The following CAPZB variants were observed in gnomAD, a reference collection of about 807,000 sequenced individuals.
CAPZB encodes the protein capping actin protein of muscle Z-line subunit beta, also known as F-actin-capping protein subunit beta.
A neutral mutation model predicts 38.1 loss-of-function variants in CAPZB; 2 were observed. The ratio of observed to expected loss-of-function variants is 0.05; its 90% CI spans 0.02 to 0.17. The LOEUF is 0.17. CAPZB is among the 10% of genes least tolerant of loss of function. The pLI, the probability that CAPZB is intolerant of heterozygous loss-of-function variation, is 1.00. For missense variants in CAPZB, 161 were observed against 334.2 expected (o/e 0.48, Z 4.04); for synonymous variants, 107 against 127.4 (o/e 0.84, Z 1.08).
intron 8 of CAPZB, among the ~76,000 whole-genome samples, chr1:19,343,601 C>G (rs895698009): frequency 1.2e-4 from 19 of 152,204 alleles, no homozygotes; most frequent in Non-Finnish European, 1.3e-4. Context: ...TAGGGGAGAT[C>G]CCGGCCTCCT....
intron 2 of CAPZB, among the ~76,000 whole-genome samples, chr1:19,398,258 G>C (rs77930907): frequency 1.0e-5 from 1 of 97,822 alleles, no homozygotes; most frequent in Admixed American, 1.1e-4. Context: ...CGATGAGCCA[G>C]GCGAGGTGCT....
At chr1:19,448,057 C>T (rs2094502440) in intron 1 of CAPZB, among the ~76,000 whole-genome samples, 1 of 152,224 alleles carries the variant, frequency 6.6e-6, no homozygotes, top group Admixed American at 6.5e-5. Context: ...CAGGACACCT[C>T]TCAGGCCTGG....
intron 2 of CAPZB, among the ~76,000 whole-genome samples, chr1:19,399,108 T>C (rs1213114087): frequency 1.3e-5 from 2 of 152,076 alleles, no homozygotes; most frequent in Non-Finnish European, 2.9e-5. Context: ...TCCGCCTGTC[T>C]TGCCCTCCCG....
At chr1:19,426,573 G>A (rs1347694837) in intron 1 of CAPZB, among the ~76,000 whole-genome samples, 1 of 152,102 alleles carries the variant, frequency 6.6e-6, no homozygotes, top group African/African-American at 2.4e-5. Context: ...CTCCCTGCCT[G>A]CTAAACACAC....
At chr1:19,412,924 G>A (rs1193030397) in intron 2 of CAPZB, among the ~76,000 whole-genome samples, 1 of 152,230 alleles carries the variant, frequency 6.6e-6, no homozygotes, top group African/African-American at 2.4e-5. Context: ...ACCACAGCCA[G>A]GTCCTCCTTC....
intron 2 of CAPZB, among the ~76,000 whole-genome samples, chr1:19,405,424 G>A (rs564296153): frequency 2.2e-4 from 33 of 151,390 alleles, no homozygotes; most frequent in African/African-American, 8.0e-4. Context: ...TTGGGACTAG[G>A]AAGGTCAATG....
intron 2 of CAPZB, among the ~76,000 whole-genome samples, chr1:19,397,669 G>A (rs1460174520): frequency 6.6e-6 from 1 of 152,198 alleles, no homozygotes; most frequent in East Asian, 1.9e-4. Flanking sequence ...TTCAGGGAGG[G>A]AAATGGGAAA....
At chr1:19,407,860 G>A (rs2094339704) in intron 2 of CAPZB, among the ~76,000 whole-genome samples, 1 of 152,122 alleles carries the variant, frequency 6.6e-6, no homozygotes, top group Non-Finnish European at 1.5e-5. Flanking sequence ...GAGGGGGAGA[G>A]ACCCTCACCA....
intron 6 of CAPZB, among the ~76,000 whole-genome samples, chr1:19,353,187 G>A (rs1426226105): frequency 6.6e-6 from 1 of 152,250 alleles, no homozygotes; most frequent in Non-Finnish European, 1.5e-5. Flanking sequence ...TGCTGATGCT[G>A]GCTGGGATGG....
intron 1 of CAPZB, among the ~76,000 whole-genome samples, chr1:19,482,154 A>G (rs777463901): frequency 3.9e-5 from 6 of 152,206 alleles, no homozygotes; most frequent in Non-Finnish European, 8.8e-5. Flanking sequence ...ATGTAAAAGT[A>G]TAGGATGTCT....
At chr1:19,419,859 C>A (rs530641923) in intron 1 of CAPZB, 109 bp from the exon 2 acceptor site, 1 of 671,870 alleles carries the variant, frequency 1.5e-6, no homozygotes, top group East Asian at 2.8e-5. Context: ...CAAAGAGCCA[C>A]GCAGTGGGCC....
chr1:19,406,085 C>T (rs1032192395), intron 2 of CAPZB, among the ~76,000 whole-genome samples: 3 of 152,186 alleles, frequency 2.0e-5, no homozygotes, highest in Non-Finnish European at 4.4e-5. Context: ...TAATTGTGAG[C>T]TCGACAGGCC....
chr1:19,415,607 G>A (rs2100473212), intron 2 of CAPZB, among the ~76,000 whole-genome samples: 1 of 152,386 alleles, frequency 6.6e-6, no homozygotes, highest in South Asian at 2.1e-4. Flanking sequence ...ACAGGATCCA[G>A]TACAAAGCCA....
chr1:19,472,862 C>T (rs1031346120), intron 1 of CAPZB, among the ~76,000 whole-genome samples: 5 of 151,852 alleles, frequency 3.3e-5, no homozygotes, highest in Admixed American at 1.3e-4. Flanking sequence ...GGACTACAGG[C>T]GCCCGCCATC....
intron 1 of CAPZB, among the ~76,000 whole-genome samples, chr1:19,429,534 C>T (rs560365018): frequency 5.4e-4 from 82 of 152,160 alleles, no homozygotes; most frequent in Non-Finnish European, 9.4e-4. Flanking sequence ...AACCTGGGTC[C>T]GACGGTACTG....
chr1:19,426,645 A>G (rs1386616333), intron 1 of CAPZB, among the ~76,000 whole-genome samples: 1 of 152,122 alleles, frequency 6.6e-6, no homozygotes, highest in East Asian at 1.9e-4. Context: ...CTGAGACTCC[A>G]TGGACAGAGG....
intron 1 of CAPZB, chr1:19,420,086 T>A: frequency 3.8e-6 from 1 of 263,926 alleles, no homozygotes; most frequent in East Asian, 8.6e-5. Flanking sequence ...CCCCAGTTGG[T>A]TCCATGGTGA....
chr1:19,460,855 T>C (rs1398351456), intron 1 of CAPZB, among the ~76,000 whole-genome samples: 2 of 152,106 alleles, frequency 1.3e-5, no homozygotes, highest in African/African-American at 4.8e-5. Context: ...ACATGATGTC[T>C]ACTGTGTTCT....
At chr1:19,412,527 T>C (rs768687212) in intron 2 of CAPZB, among the ~76,000 whole-genome samples, 3 of 152,182 alleles carry the variant, frequency 2.0e-5, no homozygotes, top group Non-Finnish European at 4.4e-5. Flanking sequence ...AAGCGATCCT[T>C]CCACCTCAGC....
Sources: gnomAD v4.1 joint callset for allele counts (sites outside exome capture counted in the v4.1 genomes callset) on GRCh38, gnomAD v4.1.1 for gene constraint, MANE v1.5 for transcripts, NCBI Gene and HGNC (gene_info 2026-07-23, HGNC 2026-07-21) for gene names.